Variants in MAML1 observed in about 807,000 individuals in gnomAD.
MAML1 encodes mastermind-like protein 1.
In MAML1, 14 loss-of-function variants were observed where a neutral mutation model predicts 77.1. The observed-to-expected ratio is 0.18, with a 90% CI of 0.12 to 0.28. The LOEUF (loss-of-function observed/expected upper bound fraction) is 0.28. Ranked by LOEUF, MAML1 falls within the 10% of genes least tolerant of loss-of-function variation. MAML1 has a pLI of 1.00. For synonymous variants in MAML1, 516 were observed against 551.9 expected (o/e 0.93, Z 0.91); for missense variants, 1,217 against 1,327.8 (o/e 0.92, Z 1.30).
At position 179,752,350 on chromosome 5, in the gene MAML1, A is replaced by AATATATATATAT. The variant is rs1554150145; in HGVS notation, c.316-12971_316-12960dup. Among the ~76,000 whole-genome samples, 199 of 66,672 alleles carry AATATATATATAT rather than the reference A, an allele frequency of 3.0e-3. 2 individuals carry two copies. Among genetic ancestry groups the AATATATATATAT allele is most frequent in the African/African-American group, 4.7e-3 (70 of 14,798 alleles). The allele number at this position is 66,672 out of a possible 152,430, so 43.7% of individuals were successfully genotyped here. A position where few individuals can be genotyped will look rare whatever the true frequency, so the allele number is the denominator to read the frequency against. ...CAAAAAAAAAAAAAAAAAAAAAAAA[A>AATATATATATAT]ATATATATATATATATGGTTAAATA... On this transcript the variant is annotated intron_variant, in intron 1 of 4. Coordinates refer to ENST00000292599, the MANE Select transcript of MAML1 (RefSeq NM_014757.5).
Position 179,766,117 on chromosome 5 carries a change from GGCCCAGAACGCACAAAGA to G in MAML1, c.1112_1129del (p.Gln371_Ala376del), listed in dbSNP as rs1226053144. 2.5e-6 allele frequency: 4 copies of G among 1,577,670 alleles called. No homozygotes were observed. In the East Asian group the frequency reaches 9.0e-5, roughly 35 times the overall value. Reference sequence around the variant, plus strand: ...CAAACCTGATGCCGGCATCAGCCCAGGCCCAGAACGCACAAAGAGCCCTTGCAGGTGTGGTATTGCCCA... The same window carrying G: ...CAAACCTGATGCCGGCATCAGCCCAGGCCCTTGCAGGTGTGGTATTGCCCA... On this transcript the variant is annotated inframe_deletion, in exon 2 of 5. Transcript: ENST00000292599. The surrounding 1 kb of genome is among the most constrained non-coding windows in gnomAD (Gnocchi z 4.0).
In MAML1 at chr5:179,774,459, G is replaced by T. The variant is rs1401859134; in HGVS notation, c.2633G>T (p.Ser878Ile). The T allele has an allele frequency of 1.3e-5, 21 of 1,613,148 alleles. No homozygotes were observed. The highest frequency in any genetic ancestry group is 1.8e-5 in the Non-Finnish European group (21 of 1,180,030). ...MQQQAHLKMS[S>I]PQFSQAVPNR... ...CAGCAGGCCCACCTGAAAATGTCTA[G>T]CCCGCAATTCTCCCAGGCAGTGCCC... Residue 878 changes from serine to isoleucine, a missense_variant, in exon 5 of 5, where the codon AGC becomes ATC. Physicochemically the swap from Ser to Ile is moderately radical, Grantham distance 142 (BLOSUM62 -2). Around this residue, in one of 3 missense-constraint regions of MAML1, gnomAD observed 884 missense variants for 949.3 expected, o/e 0.93. Coordinates refer to ENST00000292599, the MANE Select transcript of MAML1 (RefSeq NM_014757.5).
Position 179,771,367 on chromosome 5 carries a change from C to A in MAML1, c.2068+124C>A. On this transcript the variant is annotated intron_variant, in intron 4 of 4. Coordinates refer to ENST00000292599, the MANE Select transcript of MAML1 (RefSeq NM_014757.5). The surrounding 1 kb of genome is among the most constrained non-coding windows in gnomAD (Gnocchi z 4.7). Reference sequence around the variant, plus strand: ...AGGCTGCATGCATTGTCATCATATACACCTCAGTTTGCCTAAGGGGCCTGG... The same window carrying A: ...AGGCTGCATGCATTGTCATCATATAAACCTCAGTTTGCCTAAGGGGCCTGG... 1.2e-6 allele frequency: 1 copy of A among 803,174 alleles called. No individual in the cohort carries two copies. The highest frequency in any genetic ancestry group is 2.0e-6 in the Non-Finnish European group (1 of 491,156). The allele number at this position is 803,174 out of a possible 1,614,324, so 49.8% of individuals were successfully genotyped here.
chr5:179,758,690 A>AT (rs1374955864), intron 1 of MAML1, among the ~76,000 whole-genome samples: 18 of 148,162 alleles, frequency 1.2e-4, no homozygotes, highest in East Asian at 1.0e-3. Context: ...ACACCCGACC[A>AT]TTTTTTTTTC....
At chr5:179,735,867 T>C (rs1002927435) in intron 1 of MAML1, among the ~76,000 whole-genome samples, 1 of 150,942 alleles carries the variant, frequency 6.6e-6, no homozygotes, top group African/African-American at 2.4e-5. Context: ...TTGGTATTTT[T>C]AGTAGAGACA....
In MAML1 at chr5:179,733,070, C is replaced by T; in HGVS notation, c.-43C>T. The stretch of plus-strand genomic sequence containing the variant: ...CGAAGCCCGCAGTGCCAGCCGGCCC[C>T]GAGAGGCCCGGCCCCGGGCCCGGCC... On this transcript the variant is annotated 5_prime_UTR_variant, in exon 1 of 5. Coordinates refer to ENST00000292599, the MANE Select transcript of MAML1 (RefSeq NM_014757.5). 2 of 1,213,048 alleles carry T rather than the reference C, an allele frequency of 1.6e-6. No homozygotes were observed. The highest frequency in any genetic ancestry group is 2.1e-6 in the Non-Finnish European group (2 of 962,930). The allele number at this position is 1,213,048 out of a possible 1,614,324, so 75.1% of individuals were successfully genotyped here.
At chr5:179,765,205 T>G in intron 1 of MAML1, 121 bp from the exon 2 acceptor site, 1 of 773,686 alleles carries the variant, frequency 1.3e-6, no homozygotes, top group Non-Finnish European at 2.1e-6. Context: ...GAAATGGGAG[T>G]GTACACTATG....
chr5:179,739,897 A>T (rs887529981), intron 1 of MAML1, among the ~76,000 whole-genome samples: 1 of 152,166 alleles, frequency 6.6e-6, no homozygotes, highest in Non-Finnish European at 1.5e-5. Context: ...TTCCCCATGG[A>T]CACCAAGGGA....
intron 1 of MAML1, among the ~76,000 whole-genome samples, chr5:179,741,669 G>A (rs1005980354): frequency 5.9e-5 from 8 of 135,998 alleles, no homozygotes; most frequent in African/African-American, 1.4e-4. Flanking sequence ...CTGGGTGGCA[G>A]AGCGAGACTG....
At chr5:179,768,063 C>T (rs1041185369) in intron 2 of MAML1, among the ~76,000 whole-genome samples, 6 of 152,312 alleles carry the variant, frequency 3.9e-5, no homozygotes, top group African/African-American at 1.2e-4. Flanking sequence ...AAAATGCTTG[C>T]GCAGATGTAC....
Position 179,733,074 on chromosome 5 carries a change from A to AGGCCCGGCCCCG in MAML1, c.-28_-17dup. 3.3e-6 allele frequency: 4 copies of AGGCCCGGCCCCG among 1,210,546 alleles called. No homozygotes were observed. The highest frequency in any genetic ancestry group is 4.2e-6 in the Non-Finnish European group (4 of 960,430). The allele number at this position is 1,210,546 out of a possible 1,614,324, so 75.0% of individuals were successfully genotyped here. A position where few individuals can be genotyped will look rare whatever the true frequency, so the allele number is the denominator to read the frequency against. On this transcript the variant is annotated 5_prime_UTR_variant, in exon 1 of 5. Transcript: ENST00000292599. ...GCCCGCAGTGCCAGCCGGCCCCGAG[A>AGGCCCGGCCCCG]GGCCCGGCCCCGGGCCCGGCCCGTG...
In MAML1 at chr5:179,733,057, T is replaced by G; in HGVS notation, c.-56T>G. On this transcript the variant is annotated 5_prime_UTR_variant, in exon 1 of 5. Coordinates refer to ENST00000292599, the MANE Select transcript of MAML1 (RefSeq NM_014757.5). Reference sequence around the variant, plus strand: ...TAGCCGCGGGGAGCGAAGCCCGCAGTGCCAGCCGGCCCCGAGAGGCCCGGC... The same window carrying G: ...TAGCCGCGGGGAGCGAAGCCCGCAGGGCCAGCCGGCCCCGAGAGGCCCGGC... The G allele has an allele frequency of 8.9e-7, 1 of 1,120,100 alleles. No homozygotes were observed. Among genetic ancestry groups the G allele is most frequent in the South Asian group, 3.1e-5 (1 of 32,362 alleles). The allele number at this position is 1,120,100 out of a possible 1,614,324, so 69.4% of individuals were successfully genotyped here. A position where few individuals can be genotyped will look rare whatever the true frequency, so the allele number is the denominator to read the frequency against.
At chr5:179,737,928 C>T (rs1779204039) in intron 1 of MAML1, among the ~76,000 whole-genome samples, 1 of 105,992 alleles carries the variant, frequency 9.4e-6, no homozygotes, top group Non-Finnish European at 2.4e-5. Flanking sequence ...TCCTGAGTAG[C>T]TGGGACTACA....
intron 1 of MAML1, among the ~76,000 whole-genome samples, chr5:179,752,778 T>C (rs1295435778): frequency 6.6e-6 from 1 of 151,828 alleles, no homozygotes; most frequent in Non-Finnish European, 1.5e-5. Flanking sequence ...TCATTTATTT[T>C]ATTTTATTTT....
intron 1 of MAML1, among the ~76,000 whole-genome samples, chr5:179,736,091 A>G (rs1467385614): frequency 2.0e-5 from 3 of 152,178 alleles, no homozygotes; most frequent in Admixed American, 1.3e-4. Flanking sequence ...TGGGTAGTAC[A>G]CATCTGAGGT....
chr5:179,753,898 C>G (rs951540957), intron 1 of MAML1, among the ~76,000 whole-genome samples: 1 of 151,730 alleles, frequency 6.6e-6, no homozygotes, highest in Non-Finnish European at 1.5e-5. Context: ...TCTCGAACTC[C>G]CGACCTCAAG....
At chr5:179,756,113 C>G (rs1019883738) in intron 1 of MAML1, among the ~76,000 whole-genome samples, 4 of 151,456 alleles carry the variant, frequency 2.6e-5, no homozygotes, top group African/African-American at 9.7e-5. Flanking sequence ...TTGGACACCC[C>G]GAGCTAAATC....
chr5:179,772,491 T>C (rs1266586297), intron 4 of MAML1, among the ~76,000 whole-genome samples: 1 of 152,146 alleles, frequency 6.6e-6, no homozygotes, highest in African/African-American at 2.4e-5. Flanking sequence ...CCCTGAACAA[T>C]GACTCTCCTA....
chr5:179,758,853 A>C (rs1189591072), intron 1 of MAML1, among the ~76,000 whole-genome samples: 1 of 152,158 alleles, frequency 6.6e-6, no homozygotes, highest in Non-Finnish European at 1.5e-5. Context: ...AAATACAAAA[A>C]TTAGCCAGGC....
Sources: allele counts gnomAD v4.1 joint callset (sites outside exome capture counted in the v4.1 genomes callset), GRCh38; gene constraint gnomAD v4.1.1; regional missense constraint gnomAD v4.1.1; non-coding constraint Gnocchi (gnomAD v3.1); transcripts MANE v1.5; gene names NCBI Gene and HGNC (gene_info 2026-07-23, HGNC 2026-07-21).